Variants in NAALADL2 observed in about 807,000 individuals in gnomAD.
The protein encoded by NAALADL2 is inactive N-acetylated-alpha-linked acidic dipeptidase-like protein 2.
A neutral mutation model predicts 87.2 loss-of-function variants in NAALADL2; 76 were observed. The observed-to-expected ratio is 0.87, with a 90% CI of 0.72 to 1.05. NAALADL2 has a LOEUF of 1.05. Ranked by LOEUF, NAALADL2 falls within the 50% of genes least tolerant of loss-of-function variation. The probability of loss-of-function intolerance (pLI) is 0.00; values close to 1 mark genes in which losing one functional copy is unlikely to be tolerated. For missense variants in NAALADL2, 1,089 were observed against 945.8 expected (o/e 1.15, Z -1.99); for synonymous variants, 354 against 331.0 (o/e 1.07, Z -0.75).
chr3:174,724,810 T>C (rs1477098056), intron 2 of NAALADL2, among the ~76,000 whole-genome samples: 1 of 152,208 alleles, frequency 6.6e-6, no homozygotes, highest in African/African-American at 2.4e-5. Flanking sequence ...AGATCTGTCA[T>C]GTCGAAATGG....
At chr3:175,059,844 A>G (rs1713056605) in intron 1 of NAALADL2, 2 of 314,318 alleles carry the variant, frequency 6.4e-6, no homozygotes, top group Non-Finnish European at 1.3e-5. Flanking sequence ...TTTTCTTTTC[A>G]TGAGAATTGA....
chr3:175,081,971 T>A lies in NAALADL2; in HGVS notation c.44-14819T>A, dbSNP rs78111130. On this transcript the variant is annotated intron_variant, in intron 1 of 13. Coordinates refer to ENST00000454872, the MANE Select transcript of NAALADL2 (RefSeq NM_207015.3). ...TAAGAGCTGTGCTAAGTGATTGAAA[T>A]TTTTTCACTGAAGTCTCACAGTGCC... Among the ~76,000 whole-genome samples the A allele has an allele frequency of 6.8e-3, 1,032 of 152,288 alleles. 16 individuals carry two copies. The highest frequency in any genetic ancestry group is 0.023 in the African/African-American group (976 of 41,568).
chr3:174,861,272 A>G (rs977098741), intron 1 of NAALADL2, among the ~76,000 whole-genome samples: 4 of 152,008 alleles, frequency 2.6e-5, no homozygotes, highest in Non-Finnish European at 4.4e-5. Context: ...AGCACCTATT[A>G]ATCAAGTGAG....
chr3:175,411,024 A>G (rs539626252), intron 5 of NAALADL2, among the ~76,000 whole-genome samples: 1 of 152,330 alleles, frequency 6.6e-6, no homozygotes, highest in South Asian at 2.1e-4. Context: ...TAGGACCATT[A>G]GACGGGCAAA....
At chr3:174,837,375 A>G (rs1283748788) in intron 3 of NAALADL2, among the ~76,000 whole-genome samples, 1 of 152,244 alleles carries the variant, frequency 6.6e-6, no homozygotes, top group Non-Finnish European at 1.5e-5. Context: ...CTTTATGCAC[A>G]TAAACTGGAA....
At chr3:175,050,082 C>T (rs1246809087) in intron 1 of NAALADL2, among the ~76,000 whole-genome samples, 1 of 152,072 alleles carries the variant, frequency 6.6e-6, no homozygotes, top group Non-Finnish European at 1.5e-5. Flanking sequence ...TAAATGGTCC[C>T]AGTCTAAGTA....
chr3:175,767,000 C>T (rs1239409641), intron 13 of NAALADL2, among the ~76,000 whole-genome samples: 1 of 152,132 alleles, frequency 6.6e-6, no homozygotes, highest in Non-Finnish European at 1.5e-5. Context: ...ATAAAGCACA[C>T]ATTTAGTCCT....
In NAALADL2 at chr3:175,254,333, A is replaced by G. The variant is rs191790449; in HGVS notation, c.820-2078A>G. Reference sequence around the variant, plus strand: ...AAATGTACTGAACACTCAGACCAATAAAGTATTTTTAAATTTGTTTTAGAC... The same window carrying G: ...AAATGTACTGAACACTCAGACCAATGAAGTATTTTTAAATTTGTTTTAGAC... On this transcript the variant is annotated intron_variant, in intron 3 of 13. Coordinates refer to ENST00000454872, the MANE Select transcript of NAALADL2 (RefSeq NM_207015.3). 4.6e-5 allele frequency among the ~76,000 whole-genome samples: 7 copies of G among 152,312 alleles called. No homozygotes were observed. In the East Asian group the frequency reaches 1.3e-3, roughly 29 times the overall value.
intron 1 of NAALADL2, among the ~76,000 whole-genome samples, chr3:174,513,106 C>G (rs577165574): frequency 6.6e-6 from 1 of 151,926 alleles, no homozygotes; most frequent in Non-Finnish European, 1.5e-5. Flanking sequence ...GGATTACAAG[C>G]GTGTGCCACC....
chr3:175,327,148 CTTTTTTT>C (rs35198621), intron 5 of NAALADL2, among the ~76,000 whole-genome samples: 22 of 99,504 alleles, frequency 2.2e-4, no homozygotes, highest in East Asian at 1.5e-3. Flanking sequence ...GTCTACATTT[CTTTTTTT>C]TTTTTTTTTT....
intron 2 of NAALADL2, among the ~76,000 whole-genome samples, chr3:175,144,237 T>A (rs1325855062): frequency 2.0e-5 from 3 of 151,960 alleles, no homozygotes; most frequent in African/African-American, 7.2e-5. Context: ...TCCGGCTTCA[T>A]GGAATTTTAA....
intron 3 of NAALADL2, among the ~76,000 whole-genome samples, chr3:174,816,120 A>C (rs1446118126): frequency 6.6e-6 from 1 of 152,038 alleles, no homozygotes; most frequent in Non-Finnish European, 1.5e-5. Context: ...TTATGATTAT[A>C]TATTCCTTTA....
At chr3:175,653,227 C>CA (rs980874924) in intron 11 of NAALADL2, among the ~76,000 whole-genome samples, 61 of 145,278 alleles carry the variant, frequency 4.2e-4, no homozygotes, top group East Asian at 1.4e-3. Context: ...GGAAGGAAGG[C>CA]AAAAAAAAAA....
chr3:175,026,612 T>G (rs967603032), intron 1 of NAALADL2, among the ~76,000 whole-genome samples: 2 of 150,718 alleles, frequency 1.3e-5, no homozygotes, highest in African/African-American at 2.4e-5. Flanking sequence ...CCGAGATCAC[T>G]CAATTGCACT....
intron 2 of NAALADL2, among the ~76,000 whole-genome samples, chr3:175,210,381 A>C (rs1165820974): frequency 6.6e-6 from 1 of 151,884 alleles, no homozygotes; most frequent in East Asian, 1.9e-4. Flanking sequence ...TATAATAAGC[A>C]GGATATAGAA....
At chr3:174,928,276 C>T (rs975382729) in intron 1 of NAALADL2, among the ~76,000 whole-genome samples, 2 of 152,054 alleles carry the variant, frequency 1.3e-5, no homozygotes, top group African/African-American at 4.8e-5. Flanking sequence ...GAATTTTGCT[C>T]TTCTCACCCA....
intron 11 of NAALADL2, among the ~76,000 whole-genome samples, chr3:175,681,016 A>G (rs933070059): frequency 3.9e-5 from 6 of 152,060 alleles, no homozygotes; most frequent in Non-Finnish European, 8.8e-5. Flanking sequence ...AGAAGGGTGA[A>G]GCAGGGGAAT....
intron 3 of NAALADL2, among the ~76,000 whole-genome samples, chr3:174,839,648 GA>G (rs887714360): frequency 3.3e-5 from 5 of 150,916 alleles, no homozygotes; most frequent in Non-Finnish European, 7.4e-5. Flanking sequence ...AAATCAGCAA[GA>G]AAAAAAACAA....
Position 175,091,123 on chromosome 3 carries a change from T to C in NAALADL2, c.44-5667T>C, listed in dbSNP as rs117637400. Among the ~76,000 whole-genome samples, 11 of 152,276 alleles carry C rather than the reference T, an allele frequency of 7.2e-5. No homozygotes were observed. In the East Asian group the frequency reaches 2.1e-3, roughly 29 times the overall value. ...AAATTTATTCCACAAACATGGACTT[T>C]ATTTGTATAAAGTAGGTTTATACTG... On this transcript the variant is annotated intron_variant, in intron 1 of 13. Transcript: ENST00000454872.
Sources: gnomAD v4.1 joint callset for allele counts (sites outside exome capture counted in the v4.1 genomes callset) on GRCh38, gnomAD v4.1.1 for gene constraint, MANE v1.5 for transcripts, NCBI Gene and HGNC (gene_info 2026-07-23, HGNC 2026-07-21) for gene names.